The following PCDHGA4 variants were observed in gnomAD, a reference collection of about 807,000 sequenced individuals.
PCDHGA4 encodes protocadherin gamma subfamily A, 4.
A neutral mutation model predicts 54.6 loss-of-function variants in PCDHGA4; 38 were observed. That is an observed-to-expected ratio of 0.70 (90% CI 0.54 to 0.91). The LOEUF (loss-of-function observed/expected upper bound fraction) is 0.91. Ranked by LOEUF, PCDHGA4 falls within the 40% of genes least tolerant of loss-of-function variation. The pLI, the probability that PCDHGA4 is intolerant of heterozygous loss-of-function variation, is 0.00. For missense variants in PCDHGA4, 1,298 were observed against 1,220.9 expected (o/e 1.06, Z -0.94); for synonymous variants, 511 against 512.9 (o/e 1.00, Z 0.05).
intron 2 of PCDHGA4, among the ~76,000 whole-genome samples, chr5:141,500,948 A>G (rs1055841985): frequency 1.8e-4 from 28 of 151,592 alleles, no homozygotes; most frequent in Non-Finnish European, 4.4e-5. Context: ...GGCTCACTGC[A>G]AGCTCCACCT....
rs762232178 is a variant in PCDHGA4 at position 141,355,403 on chromosome 5, C to G, written c.296C>G (p.Ser99Cys). 45 of 1,613,938 alleles carry G rather than the reference C, an allele frequency of 2.8e-5. No homozygotes were observed. Among genetic ancestry groups the G allele is most frequent in the Non-Finnish European group, 3.6e-5 (43 of 1,179,932 alleles). Residue 99 changes from serine to cysteine, a missense_variant, in exon 1 of 4, where the codon TCC (serine) becomes TGC (cysteine). Physicochemically the swap from Ser to Cys is moderately radical, Grantham distance 112. Transcript: ENST00000571252. ...ELAERGVRIVSRGRTQLFALN... is the reference protein window; with the variant it reads ...ELAERGVRIVCRGRTQLFALN... ...GCGGAGCGCGGAGTCCGCATCGTCT[C>G]CAGAGGTAGGACGCAGCTTTTCGCC...
intron 1 of PCDHGA4, chr5:141,414,754 G>A: frequency 6.2e-7 from 1 of 1,614,190 alleles, no homozygotes; most frequent in Non-Finnish European, 8.5e-7. Flanking sequence ...CTTCGACTAT[G>A]AGCAGTTTCA....
intron 2 of PCDHGA4, among the ~76,000 whole-genome samples, chr5:141,499,149 A>G (rs1215155217): frequency 6.6e-6 from 1 of 152,084 alleles, no homozygotes; most frequent in African/African-American, 2.4e-5. Context: ...TCTGATCCCA[A>G]TAGCTGTTGT....
At chr5:141,364,917 T>A in intron 1 of PCDHGA4, 1 of 1,613,946 alleles carries the variant, frequency 6.2e-7, no homozygotes, top group Non-Finnish European at 8.5e-7. Context: ...GAGCTGGTGT[T>A]GGAACAGCCC....
intron 1 of PCDHGA4, chr5:141,375,438 T>TC: frequency 1.2e-6 from 2 of 1,613,806 alleles, no homozygotes; most frequent in African/African-American, 1.3e-5. Flanking sequence ...CCGCCCACCT[T>TC]CCCCCATTCA....
chr5:141,509,320 C>T (rs1261653347), intron 3 of PCDHGA4, among the ~76,000 whole-genome samples: 2 of 152,194 alleles, frequency 1.3e-5, no homozygotes, highest in East Asian at 3.8e-4. Flanking sequence ...GGGAGAGAAG[C>T]TCTACTGCCA....
rs746311453 is a variant in PCDHGA4 at position 141,428,229 on chromosome 5, C to T, written c.2515-66578C>T. On this transcript the variant is annotated intron_variant, in intron 1 of 3. Coordinates refer to ENST00000571252, the MANE Select transcript of PCDHGA4 (RefSeq NM_018917.4). ...CGCTTCACCTAGTCTTCGCAGACAGCCTGCAGGAGGCACTGCCAGACTTCA... is the reference window on the plus strand; with the variant it reads ...CGCTTCACCTAGTCTTCGCAGACAGTCTGCAGGAGGCACTGCCAGACTTCA... 3 of 1,098,554 alleles carry T rather than the reference C, an allele frequency of 2.7e-6. No homozygotes were observed. In the South Asian group the frequency reaches 3.9e-5, roughly 14 times the overall value. The allele number at this position is 1,098,554 out of a possible 1,614,324, so 68.1% of individuals were successfully genotyped here.
chr5:141,375,967 G>T, intron 1 of PCDHGA4: 2 of 1,613,372 alleles, frequency 1.2e-6, no homozygotes, highest in East Asian at 2.2e-5. Flanking sequence ...AGGTGCGCAC[G>T]GCGCGCGCCC....
intron 1 of PCDHGA4, among the ~76,000 whole-genome samples, chr5:141,368,592 A>T (rs1277512291): frequency 6.6e-6 from 1 of 152,198 alleles, no homozygotes; most frequent in South Asian, 2.1e-4. Flanking sequence ...TGTTTGGGAA[A>T]AAAGTAAAGG....
chr5:141,371,300 C>G, intron 1 of PCDHGA4: 1 of 1,613,950 alleles, frequency 6.2e-7, no homozygotes, highest in Non-Finnish European at 8.5e-7. Context: ...GGGAACTCAC[C>G]ACTATTGGAG....
At chr5:141,430,767 C>T in intron 1 of PCDHGA4, 1 of 1,506,782 alleles carries the variant, frequency 6.6e-7, no homozygotes, top group Non-Finnish European at 8.9e-7. Flanking sequence ...AGAATGATTC[C>T]TGCGCGACTG....
In PCDHGA4 at chr5:141,485,470, T is replaced by C; in HGVS notation, c.2515-9337T>C. ...ACCGAGAGGCACTGTGTGGGCTCAG[T>C]GCCAGCTGCATCGTGCCCCTGGAGT... On this transcript the variant is annotated intron_variant, in intron 1 of 3. Coordinates refer to ENST00000571252, the MANE Select transcript of PCDHGA4 (RefSeq NM_018917.4). This position sits in a 1 kb window ranked among gnomAD's most constrained non-coding sequence, Gnocchi z 5.7. 1.9e-6 allele frequency: 3 copies of C among 1,614,110 alleles called. No individual in the cohort carries two copies. The highest frequency in any genetic ancestry group is 2.5e-6 in the Non-Finnish European group (3 of 1,180,002).
At chr5:141,480,763 A>G (rs541754723) in intron 1 of PCDHGA4, among the ~76,000 whole-genome samples, 1 of 152,308 alleles carries the variant, frequency 6.6e-6, no homozygotes, top group East Asian at 1.9e-4. Flanking sequence ...GAAGGTCCCC[A>G]CTTGATCCTA....
intron 1 of PCDHGA4, chr5:141,404,371 C>G (rs374054833): frequency 1.5e-5 from 25 of 1,613,774 alleles, no homozygotes; most frequent in Non-Finnish European, 2.0e-5. Context: ...CCATCTTCTC[C>G]GTGATTGCCT....
At position 141,482,865 on chromosome 5, in the gene PCDHGA4, A is replaced by G. The variant is rs557581796; in HGVS notation, c.2515-11942A>G. ...GGTGGGCAGATCACTTGAGGTCAGG[A>G]GTTTGAAACCAGCCTGGCCAACATG... On this transcript the variant is annotated intron_variant, in intron 1 of 3. Coordinates refer to ENST00000571252, the MANE Select transcript of PCDHGA4 (RefSeq NM_018917.4). Among the ~76,000 whole-genome samples, 66 of 152,206 alleles carry G rather than the reference A, an allele frequency of 4.3e-4. 1 individual carries two copies. Among genetic ancestry groups the G allele is most frequent in the African/African-American group, 1.5e-3 (61 of 41,516 alleles).
chr5:141,383,295 A>G, intron 1 of PCDHGA4: 1 of 1,613,982 alleles, frequency 6.2e-7, no homozygotes, highest in Non-Finnish European at 8.5e-7. Context: ...ACGTTCCAAG[A>G]TTCTTGACGG....
At position 141,486,004 on chromosome 5, in the gene PCDHGA4, C is replaced by T; in HGVS notation, c.2515-8803C>T. The T allele has an allele frequency of 6.2e-7, 1 of 1,614,184 alleles. No homozygotes were observed. The highest frequency in any genetic ancestry group is 8.5e-7 in the Non-Finnish European group (1 of 1,180,008). The stretch of plus-strand genomic sequence containing the variant: ...CGGACCTGGGTCCCAGTGGTAACGT[C>T]ACCTTTTATTTCAGTGGTCATACCC... On this transcript the variant is annotated intron_variant, in intron 1 of 3. Coordinates refer to ENST00000571252, the MANE Select transcript of PCDHGA4 (RefSeq NM_018917.4). This position sits in a 1 kb window ranked among gnomAD's most constrained non-coding sequence, Gnocchi z 5.0.
At chr5:141,419,826 C>T in intron 1 of PCDHGA4, 1 of 1,614,066 alleles carries the variant, frequency 6.2e-7, no homozygotes, top group Non-Finnish European at 8.5e-7. Flanking sequence ...CCCCTTTCAG[C>T]CACTGCCACG....
intron 1 of PCDHGA4, chr5:141,377,801 T>C (rs1439596981): frequency 1.3e-5 from 2 of 152,176 alleles, no homozygotes; most frequent in African/African-American, 2.4e-5. Context: ...CCTGTAACTA[T>C]CTGTTATTTA....
Sources: allele counts gnomAD v4.1 joint callset (sites outside exome capture counted in the v4.1 genomes callset), GRCh38; gene constraint gnomAD v4.1.1; non-coding constraint Gnocchi (gnomAD v3.1); transcripts MANE v1.5; gene names NCBI Gene and HGNC (gene_info 2026-07-23, HGNC 2026-07-21).